Variants in TMEM54 observed in about 807,000 individuals in gnomAD.
The protein encoded by TMEM54 is transmembrane protein 54, also known as beta-casein-like protein.
Under a neutral mutation model 21.3 loss-of-function variants are expected in TMEM54, and 21 were observed. That is an observed-to-expected ratio of 0.99 (90% CI 0.70 to 1.42). TMEM54 has a LOEUF of 1.42. Ranked by LOEUF, TMEM54 falls within the 40% of genes most tolerant of loss-of-function variation. TMEM54 has a pLI of 0.00. For missense variants in TMEM54, 246 were observed against 294.0 expected (o/e 0.84, Z 1.19); for synonymous variants, 109 against 125.0 (o/e 0.87, Z 0.86).
Position 32,895,703 on chromosome 1 carries a change from A to G in TMEM54, c.311T>C (p.Leu104Pro). The part of the protein sequence containing the change: ...VFSSSVACAL[L>P]SLTCALGLLA... ...GAGGCCGAGGGCACAGGTCAGAGAA[A>G]GGAGAGCACAGGCCACGCTCGAGCT... The change falls in exon 4 of 6, where the codon CTT (leucine) becomes CCT (proline). Residue 104 changes from leucine (L) to proline (P), a missense_variant. Physicochemically the swap from Leu to Pro is moderately conservative, Grantham distance 98. Coordinates refer to ENST00000373463, the MANE Select transcript of TMEM54 (RefSeq NM_033504.4). This position sits in a 1 kb window ranked among gnomAD's most constrained non-coding sequence, Gnocchi z 5.8. 1.3e-6 allele frequency: 2 copies of G among 1,560,086 alleles called. No individual in the cohort carries two copies. The highest frequency in any genetic ancestry group is 1.7e-6 in the Non-Finnish European group (2 of 1,151,806).
rs77139228 is a variant in TMEM54 at position 32,897,981 on chromosome 1, C to A, written c.210+145G>T. The A allele has an allele frequency of 1.4e-3, 1,004 of 692,724 alleles. 9 individuals carry two copies. In the African/African-American group the frequency reaches 0.016, roughly 11 times the overall value. The allele number at this position is 692,724 out of a possible 1,614,324, so 42.9% of individuals were successfully genotyped here. A position where few individuals can be genotyped will look rare whatever the true frequency, so the allele number is the denominator to read the frequency against. On this transcript the variant is annotated intron_variant, in intron 2 of 5. Transcript: ENST00000373463. This position sits in a 1 kb window ranked among gnomAD's most constrained non-coding sequence, Gnocchi z 4.9. ...TTTGATAGATGAAGAAGTTGAGTGA[C>A]TTGGGCAGTTGGTAAGTGGCAGACA...
Position 32,895,225 on chromosome 1 carries a change from G to A in TMEM54, c.594+80C>T. On this transcript the variant is annotated intron_variant, in intron 5 of 5. Coordinates refer to ENST00000373463, the MANE Select transcript of TMEM54 (RefSeq NM_033504.4). This position sits in a 1 kb window ranked among gnomAD's most constrained non-coding sequence, Gnocchi z 5.8. ...TTCTCAAGGTGGGGGCCCATACATA[G>A]GGGTGGGGCAGAGCAGCTTGGGCAC... 1 of 1,515,714 alleles carries A rather than the reference G, an allele frequency of 6.6e-7. No homozygotes were observed. The highest frequency in any genetic ancestry group is 8.9e-7 in the Non-Finnish European group (1 of 1,123,154). 93.9% of individuals were successfully genotyped at this position (1,515,714 alleles called of 1,614,324 possible). A position where few individuals can be genotyped will look rare whatever the true frequency, so the allele number is the denominator to read the frequency against.
rs760980792 is a variant in TMEM54 at position 32,897,367 on chromosome 1, C to T, written c.210+759G>A. Among the ~76,000 whole-genome samples, 14 of 152,182 alleles carry T rather than the reference C, an allele frequency of 9.2e-5. No homozygotes were observed. Among genetic ancestry groups the T allele is most frequent in the Non-Finnish European group, 1.9e-4 (13 of 68,034 alleles). On this transcript the variant is annotated intron_variant, in intron 2 of 5. Transcript: ENST00000373463. This position sits in a 1 kb window ranked among gnomAD's most constrained non-coding sequence, Gnocchi z 4.9. ...ACTGATGTGCGGGAGGATCTTCCCC[C>T]GAGGCTGTGGCCACTTGTGCTGACC...
At position 32,894,661 on chromosome 1, in the gene TMEM54, G is replaced by A. The variant is rs1038479067; in HGVS notation, c.*144C>T. 1.4e-5 allele frequency: 14 copies of A among 1,034,630 alleles called. No individual in the cohort carries two copies. The highest frequency in any genetic ancestry group is 1.8e-5 in the Non-Finnish European group (13 of 706,766). The allele number at this position is 1,034,630 out of a possible 1,614,324, so 64.1% of individuals were successfully genotyped here. On this transcript the variant is annotated 3_prime_UTR_variant, in exon 6 of 6. Coordinates refer to ENST00000373463, the MANE Select transcript of TMEM54 (RefSeq NM_033504.4). Reference sequence around the variant, plus strand: ...ATTTCAGTGCAGTGGGCTGGGTGGTGGGGGAGAGGGTTGAAAGCCCCACTT... The same window carrying A: ...ATTTCAGTGCAGTGGGCTGGGTGGTAGGGGAGAGGGTTGAAAGCCCCACTT...
chr1:32,899,618 G>A (rs1641680946), intron 1 of TMEM54, among the ~76,000 whole-genome samples: 1 of 152,168 alleles, frequency 6.6e-6, no homozygotes, highest in Non-Finnish European at 1.5e-5. Context: ...GAGGCAGAAG[G>A]ATCTTCTGAG....
chr1:32,895,432 C>G lies in TMEM54; in HGVS notation c.467G>C (p.Ser156Thr), dbSNP rs775066105. The G allele has an allele frequency of 2.0e-5, 32 of 1,611,140 alleles. No homozygotes were observed. The highest frequency in any genetic ancestry group is 2.6e-5 in the Non-Finnish European group (31 of 1,177,944). The part of the protein sequence containing the change: ...PFDPTRIYSS[S>T]LCLWGIALVL... ...TAGGGCGATGCCCCAGAGGCACAGG[C>G]TGGAGCTCTGCGGGGCATGGGGCAG... The change falls in exon 5 of 6, where the codon AGC (serine) becomes ACC (threonine). Residue 156 changes from serine to threonine, a missense_variant. By Grantham distance (58) the Ser-to-Thr change is moderately conservative. Transcript: ENST00000373463. This position sits in a 1 kb window ranked among gnomAD's most constrained non-coding sequence, Gnocchi z 5.8.
Position 32,895,691 on chromosome 1 carries a change from C to T in TMEM54, c.323G>A (p.Cys108Tyr). The change falls in exon 4 of 6, where the codon TGT becomes TAT. Residue 108 changes from cysteine (C) to tyrosine (Y), a missense_variant. Cys to Tyr is a radical substitution (Grantham distance 194, BLOSUM62 -2). Transcript: ENST00000373463. The surrounding 1 kb of genome is among the most constrained non-coding windows in gnomAD (Gnocchi z 5.8). ...SVACALLSLT[C>Y]ALGLLASIAM... ...GATGGAGGCCAAGAGGCCGAGGGCA[C>T]AGGTCAGAGAAAGGAGAGCACAGGC... The T allele has an allele frequency of 6.4e-7, 1 of 1,560,978 alleles. No homozygotes were observed. Among genetic ancestry groups the T allele is most frequent in the East Asian group, 2.4e-5 (1 of 42,034 alleles).
chr1:32,897,781 G>C lies in TMEM54; in HGVS notation c.210+345C>G. ...CGGCACCCTCCCAAGCTCACCTCCT[G>C]CTCCTTTCTTCTGTCCAGTGGTGCT... On this transcript the variant is annotated intron_variant, in intron 2 of 5. Coordinates refer to ENST00000373463, the MANE Select transcript of TMEM54 (RefSeq NM_033504.4). The surrounding 1 kb of genome is among the most constrained non-coding windows in gnomAD (Gnocchi z 4.9). The C allele has an allele frequency of 5.0e-6, 1 of 199,760 alleles. No individual in the cohort carries two copies. Among genetic ancestry groups the C allele is most frequent in the Non-Finnish European group, 1.0e-5 (1 of 97,934 alleles). The allele number at this position is 199,760 out of a possible 1,614,324, so 12.4% of individuals were successfully genotyped here.
intron 1 of TMEM54, among the ~76,000 whole-genome samples, chr1:32,900,669 C>T (rs1396453713): frequency 6.6e-6 from 1 of 152,232 alleles, no homozygotes; most frequent in Non-Finnish European, 1.5e-5. Flanking sequence ...CTCACAAGGT[C>T]TCTCGGCTAG....
chr1:32,894,955 G>A, intron 5 of TMEM54, 76 bp from the exon 6 acceptor site: 6 of 1,569,522 alleles, frequency 3.8e-6, no homozygotes, highest in Non-Finnish European at 5.2e-6. Context: ...CCGGGAAATG[G>A]AAGGAGGTGA....
chr1:32,901,130 G>C lies in TMEM54; in HGVS notation c.16+93C>G. 3 of 1,301,010 alleles carry C rather than the reference G, an allele frequency of 2.3e-6. No individual in the cohort carries two copies. The highest frequency in any genetic ancestry group is 3.0e-6 in the Non-Finnish European group (3 of 1,001,748). 80.6% of individuals were successfully genotyped at this position (1,301,010 alleles called of 1,614,324 possible). ...AGTTAGAGGCAGAGCAGGTGGCCTG[G>C]CCCCCTGGGGGCTCGGGTTCCGGGC... On this transcript the variant is annotated intron_variant, in intron 1 of 5. Transcript: ENST00000373463. The surrounding 1 kb of genome is among the most constrained non-coding windows in gnomAD (Gnocchi z 4.2).
rs1453370244 is a variant in TMEM54 at position 32,898,325 on chromosome 1, G to A, written c.17-6C>T. Reference sequence around the variant, plus strand: ...GTCGCCCACACTCAGGCCTCCTGTGGGGGACAGCTATGTCAGGGCTGTGCG... The same window carrying A: ...GTCGCCCACACTCAGGCCTCCTGTGAGGGACAGCTATGTCAGGGCTGTGCG... On this transcript the variant is annotated splice_region_variant and splice_polypyrimidine_tract_variant and intron_variant, in intron 1 of 5. Transcript: ENST00000373463. The A allele has an allele frequency of 6.3e-6, 10 of 1,595,348 alleles. No homozygotes were observed. In the South Asian group the frequency reaches 9.9e-5, roughly 16 times the overall value.
In TMEM54 at chr1:32,897,384, G is replaced by A. The variant is rs1397859879; in HGVS notation, c.210+742C>T. On this transcript the variant is annotated intron_variant, in intron 2 of 5. Coordinates refer to ENST00000373463, the MANE Select transcript of TMEM54 (RefSeq NM_033504.4). The surrounding 1 kb of genome is among the most constrained non-coding windows in gnomAD (Gnocchi z 4.9). ...TCTTCCCCCGAGGCTGTGGCCACTT[G>A]TGCTGACCGGCAAGAAAGAGCTTTA... 3.3e-5 allele frequency among the ~76,000 whole-genome samples: 5 copies of A among 152,232 alleles called. No homozygotes were observed. Among genetic ancestry groups the A allele is most frequent in the Non-Finnish European group, 7.3e-5 (5 of 68,052 alleles).
At chr1:32,898,767 T>A (rs529708930) in intron 1 of TMEM54, among the ~76,000 whole-genome samples, 1 of 152,296 alleles carries the variant, frequency 6.6e-6, no homozygotes, top group South Asian at 2.1e-4. Context: ...CAGAGTTCAT[T>A]GGGCAGGAAT....
In TMEM54 at chr1:32,901,103, T is replaced by A. The variant is rs114172030; in HGVS notation, c.16+120A>T. 39,541 of 1,110,550 alleles carry A rather than the reference T, an allele frequency of 0.036. 971 individuals are homozygous for A. Among genetic ancestry groups the A allele is most frequent in the Admixed American group, 0.14 (3,542 of 25,424 alleles). The allele number at this position is 1,110,550 out of a possible 1,614,324, so 68.8% of individuals were successfully genotyped here. ...AAGTGACCCGACCCCGGCCTCGTAG[T>A]AAGTTAGAGGCAGAGCAGGTGGCCT... On this transcript the variant is annotated intron_variant, in intron 1 of 5. Transcript: ENST00000373463. The surrounding 1 kb of genome is among the most constrained non-coding windows in gnomAD (Gnocchi z 4.2).
intron 1 of TMEM54, among the ~76,000 whole-genome samples, chr1:32,899,724 C>G (rs1641683382): frequency 6.6e-6 from 1 of 152,152 alleles, no homozygotes; most frequent in African/African-American, 2.4e-5. Flanking sequence ...AATGAAATCT[C>G]TACACTGGAC....
In TMEM54 at chr1:32,895,443, C is replaced by T. The variant is rs755125275; in HGVS notation, c.460-4G>A. On this transcript the variant is annotated splice_region_variant and splice_polypyrimidine_tract_variant and intron_variant, in intron 4 of 5. Coordinates refer to ENST00000373463, the MANE Select transcript of TMEM54 (RefSeq NM_033504.4). The surrounding 1 kb of genome is among the most constrained non-coding windows in gnomAD (Gnocchi z 5.8). Reference sequence around the variant, plus strand: ...CCCAGAGGCACAGGCTGGAGCTCTGCGGGGCATGGGGCAGAGATGGCTGGC... The same window carrying T: ...CCCAGAGGCACAGGCTGGAGCTCTGTGGGGCATGGGGCAGAGATGGCTGGC... 2.1e-5 allele frequency: 34 copies of T among 1,608,790 alleles called. No individual in the cohort carries two copies. The highest frequency in any genetic ancestry group is 7.7e-5 in the South Asian group (7 of 90,690).
Position 32,900,011 on chromosome 1 carries a change from G to A in TMEM54, c.16+1212C>T, listed in dbSNP as rs1641690153. Among the ~76,000 whole-genome samples the A allele has an allele frequency of 2.0e-5, 3 of 152,210 alleles. No individual in the cohort carries two copies. The South Asian group carries it at 6.2e-4, about 31-fold the overall frequency. ...CATGAGACTGGAATAGCATTGTGAA[G>A]ATGGACTGCCAGCCAAGCAGGAAGG... On this transcript the variant is annotated intron_variant, in intron 1 of 5. Coordinates refer to ENST00000373463, the MANE Select transcript of TMEM54 (RefSeq NM_033504.4).
At position 32,894,608 on chromosome 1, in the gene TMEM54, C is replaced by T. The variant is rs931952052; in HGVS notation, c.*197G>A. 3.4e-6 allele frequency: 2 copies of T among 587,186 alleles called. No homozygotes were observed. 36.4% of individuals were successfully genotyped at this position (587,186 alleles called of 1,614,324 possible). On this transcript the variant is annotated 3_prime_UTR_variant, in exon 6 of 6. Coordinates refer to ENST00000373463, the MANE Select transcript of TMEM54 (RefSeq NM_033504.4). ...TGCAGCCAAATGGAGCATCTCTGTT[C>T]TTTTTAATAATTTCAGAATAAAGTC...
Sources: gnomAD v4.1 joint callset for allele counts (sites outside exome capture counted in the v4.1 genomes callset) on GRCh38, gnomAD v4.1.1 for gene constraint, Gnocchi (gnomAD v3.1) non-coding constraint, MANE v1.5 for transcripts, NCBI Gene and HGNC (gene_info 2026-07-23, HGNC 2026-07-21) for gene names.